PHC3: variants seen among roughly 807,000 people sequenced by gnomAD.
PHC3 encodes the protein polyhomeotic-like protein 3.
PHC3 carries 13 observed loss-of-function variants against 107.4 expected under a neutral mutation model. That is an observed-to-expected ratio of 0.12 (90% CI 0.08 to 0.19). The LOEUF (loss-of-function observed/expected upper bound fraction) is 0.19. PHC3 is among the 10% of genes least tolerant of loss of function. The pLI, the probability that PHC3 is intolerant of heterozygous loss-of-function variation, is 1.00. For missense variants in PHC3, 992 were observed against 1,210.9 expected (o/e 0.82, Z 2.68); for synonymous variants, 456 against 427.4 (o/e 1.07, Z -0.83).
chr3:170,164,140 G>A (rs972151687), intron 4 of PHC3, among the ~76,000 whole-genome samples: 4 of 152,122 alleles, frequency 2.6e-5, no homozygotes. Flanking sequence ...AAGCTGCAGT[G>A]AGCTATGATC....
intron 4 of PHC3, 85 bp downstream of exon 4, chr3:170,171,285 TAAC>T (rs1249280275): frequency 4.3e-6 from 4 of 940,350 alleles, no homozygotes; most frequent in Non-Finnish European, 6.4e-6. Flanking sequence ...CAAATTATAA[TAAC>T]AGCTTCATAA....
rs747419257 is a variant in PHC3, at chr3:170,172,543, T to C, written c.336+14A>G. 4 of 1,606,154 alleles carry C rather than the reference T, an allele frequency of 2.5e-6. No individual in the cohort carries two copies. The Admixed American group carries it at 7.0e-5, about 28-fold the overall frequency. On this transcript the variant is annotated intron_variant, in intron 3 of 14. Transcript: ENST00000495893. The stretch of plus-strand genomic sequence containing the variant: ...CAGAAACTTTGATCTCATAAACTCT[T>C]ATTTTAGTCTTACCTGAACAGCAGC...
intron 2 of PHC3, among the ~76,000 whole-genome samples, chr3:170,174,887 C>A (rs771377679): frequency 6.6e-6 from 1 of 152,168 alleles, no homozygotes; most frequent in Non-Finnish European, 1.5e-5. Flanking sequence ...TCTATTTGTT[C>A]TTCTAATTCC....
At chr3:170,158,274 T>C (rs1176623433) in intron 4 of PHC3, among the ~76,000 whole-genome samples, 2 of 152,190 alleles carry the variant, frequency 1.3e-5, no homozygotes, top group African/African-American at 4.8e-5. Context: ...AATGTGATCC[T>C]TAATTAAATA....
At chr3:170,178,060 T>C (rs540581934) in intron 2 of PHC3, among the ~76,000 whole-genome samples, 2 of 152,150 alleles carry the variant, frequency 1.3e-5, no homozygotes, top group East Asian at 3.9e-4. Context: ...TAATCTCCAA[T>C]GCAACAGTGT....
Position 170,129,507 on chromosome 3 carries a change from T to G in PHC3, c.965A>C (p.Gln322Pro). Residue 322 changes from glutamine (Q) to proline (P), a missense_variant, in exon 8 of 15, where the codon CAG becomes CCG. Around this residue, in one of 6 missense-constraint regions of PHC3, gnomAD observed 543 missense variants for 590.8 expected, o/e 0.92. Coordinates refer to ENST00000495893, the MANE Select transcript of PHC3 (RefSeq NM_024947.4). ...GGAAGGTGGTGAATGAAGAGGAATC[T>G]GCTGATGTTTTATTAGAGAATGAGG... Reference protein sequence around the residue: ...IQPHSLIKHQQIPLHSPPSKV... With the variant: ...IQPHSLIKHQPIPLHSPPSKV... 8 of 1,613,766 alleles carry G rather than the reference T, an allele frequency of 5.0e-6. No individual in the cohort carries two copies. Among genetic ancestry groups the G allele is most frequent in the Non-Finnish European group, 6.8e-6 (8 of 1,179,732 alleles).
Position 170,096,909 on chromosome 3 carries a change from TTTATA to T in PHC3, c.*316_*320del, listed in dbSNP as rs1057262766. The T allele has an allele frequency of 5.5e-6, 1 of 181,864 alleles. No homozygotes were observed. Among genetic ancestry groups the T allele is most frequent in the African/African-American group, 2.3e-5 (1 of 42,640 alleles). 11.3% of individuals were successfully genotyped at this position (181,864 alleles called of 1,614,324 possible). A position where few individuals can be genotyped will look rare whatever the true frequency, so the allele number is the denominator to read the frequency against. ...CATTAAATTACTTTTAAAAGGATTC[TTTATA>T]TTAATGATAAACATCACCTTTAAAA... On this transcript the variant is annotated 3_prime_UTR_variant, in exon 15 of 15. Transcript: ENST00000495893.
chr3:170,110,265 A>C (rs970069670), intron 11 of PHC3, among the ~76,000 whole-genome samples: 3 of 152,004 alleles, frequency 2.0e-5, no homozygotes, highest in Non-Finnish European at 4.4e-5. Flanking sequence ...CCCACCTTCA[A>C]ACCATCCACC....
At chr3:170,103,002 A>T (rs1715772398) in intron 12 of PHC3, 68 bp from the exon 13 acceptor site, 1 of 1,465,798 alleles carries the variant, frequency 6.8e-7, no homozygotes, top group South Asian at 1.2e-5. Flanking sequence ...TTTAATTGTG[A>T]CTTTAAAGTG....
intron 11 of PHC3, among the ~76,000 whole-genome samples, chr3:170,110,186 C>T (rs1560031315): frequency 6.6e-6 from 1 of 152,054 alleles, no homozygotes; most frequent in Admixed American, 6.6e-5. Context: ...ATCCTACAGA[C>T]GGCCATCAAA....
In PHC3 at chr3:170,088,759, G is replaced by A. The variant is rs1395354504; in HGVS notation, c.*8471C>T. 4 of 152,102 alleles carry A rather than the reference G, an allele frequency of 2.6e-5. No homozygotes were observed. The highest frequency in any genetic ancestry group is 1.3e-4 in the Admixed American group (2 of 15,268). 9.4% of individuals were successfully genotyped at this position (152,102 alleles called of 1,614,324 possible). On this transcript the variant is annotated 3_prime_UTR_variant, in exon 15 of 15. Coordinates refer to ENST00000495893, the MANE Select transcript of PHC3 (RefSeq NM_024947.4). ...AACCAGTACCATGGAATAACTTTTT[G>A]AAACCCAGATTATCTGGCTACTTAG...
chr3:170,175,284 C>A (rs1475528846), intron 2 of PHC3, among the ~76,000 whole-genome samples: 1 of 152,032 alleles, frequency 6.6e-6, no homozygotes, highest in Admixed American at 6.6e-5. Flanking sequence ...ATCTACATAT[C>A]TTTCTATTAA....
chr3:170,106,268 T>C (rs1223046424), intron 12 of PHC3, among the ~76,000 whole-genome samples: 2 of 152,148 alleles, frequency 1.3e-5, no homozygotes, highest in Non-Finnish European at 2.9e-5. Flanking sequence ...TAATGACTAT[T>C]GAAAATACTA....
rs1729505097 is a variant in PHC3 at position 170,171,041 on chromosome 3, A to G, written c.414+332T>C. 3 of 356,098 alleles carry G rather than the reference A, an allele frequency of 8.4e-6. No homozygotes were observed. The East Asian group carries it at 1.5e-4, about 18-fold the overall frequency. The allele number at this position is 356,098 out of a possible 1,614,324, so 22.1% of individuals were successfully genotyped here. On this transcript the variant is annotated intron_variant, in intron 4 of 14. Coordinates refer to ENST00000495893, the MANE Select transcript of PHC3 (RefSeq NM_024947.4). ...TACCAAGGACATGACATACTATTGTATATCACAGTAAATTCATGGCCAATA... is the reference window on the plus strand; with the variant it reads ...TACCAAGGACATGACATACTATTGTGTATCACAGTAAATTCATGGCCAATA...
chr3:170,114,407 A>T (rs1430047745), intron 10 of PHC3, among the ~76,000 whole-genome samples: 1 of 152,194 alleles, frequency 6.6e-6, no homozygotes, highest in African/African-American at 2.4e-5. Flanking sequence ...TTCATGCACA[A>T]AGCTTTTTAT....
intron 5 of PHC3, chr3:170,147,329 C>T (rs1354047444): frequency 3.3e-5 from 5 of 151,922 alleles, no homozygotes; most frequent in Admixed American, 2.0e-4. Context: ...AAATGTTCAA[C>T]CAAATGCGGA....
At chr3:170,098,036 TTAAGAAAACAATTCTCA>T (rs1714865980) in intron 14 of PHC3, among the ~76,000 whole-genome samples, 2 of 152,196 alleles carry the variant, frequency 1.3e-5, no homozygotes, top group Non-Finnish European at 2.9e-5. Context: ...TCCACTTTTG[TTAAGAAAACAATTCTCA>T]TTGAAATTAT....
chr3:170,103,703 A>G (rs759824511), intron 12 of PHC3, among the ~76,000 whole-genome samples: 5 of 152,218 alleles, frequency 3.3e-5, no homozygotes, highest in African/African-American at 7.2e-5. Context: ...CATGGGCCAT[A>G]TAAGTTTCTG....
At chr3:170,168,146 ACT>A (rs1729015786) in intron 4 of PHC3, among the ~76,000 whole-genome samples, 1 of 150,830 alleles carries the variant, frequency 6.6e-6, no homozygotes, top group Non-Finnish European at 1.5e-5. Context: ...TCAGAGGAAG[ACT>A]CTGTCAAAGG....
Sources: allele counts gnomAD v4.1 joint callset (sites outside exome capture counted in the v4.1 genomes callset), GRCh38; gene constraint gnomAD v4.1.1; regional missense constraint gnomAD v4.1.1; transcripts MANE v1.5; gene names NCBI Gene and HGNC (gene_info 2026-07-23, HGNC 2026-07-21).